The following LAMC3 variants were observed in gnomAD, a reference collection of about 807,000 sequenced individuals.
LAMC3 encodes laminin subunit gamma-3.
A neutral mutation model predicts 173.8 loss-of-function variants in LAMC3; 128 were observed. That is an observed-to-expected ratio of 0.74 (90% CI 0.64 to 0.85). The LOEUF is 0.85. Among genes scored for constraint, LAMC3 ranks in the 40% least tolerant of loss-of-function variants. LAMC3 has a pLI of 0.00. For synonymous variants in LAMC3, 897 were observed against 909.1 expected (o/e 0.99, Z 0.24); for missense variants, 2,022 against 2,156.0 (o/e 0.94, Z 1.23).
At chr9:131,066,208 T>C (rs931224571) in intron 13 of LAMC3, among the ~76,000 whole-genome samples, 2 of 150,776 alleles carry the variant, frequency 1.3e-5, no homozygotes, top group Admixed American at 6.6e-5. Context: ...AAAATAAAAA[T>C]AGCCGGTTGT....
At chr9:131,058,616 A>G (rs942632726) in intron 12 of LAMC3, among the ~76,000 whole-genome samples, 14 of 150,714 alleles carry the variant, frequency 9.3e-5, no homozygotes, top group Non-Finnish European at 1.9e-4. Flanking sequence ...GACGGTAGCC[A>G]GGCGTGGTGG....
chr9:131,033,065 G>A (rs578096063), intron 3 of LAMC3, among the ~76,000 whole-genome samples: 32 of 152,334 alleles, frequency 2.1e-4, no homozygotes, highest in Admixed American at 1.0e-3. Flanking sequence ...TGCGCCATTA[G>A]CACCCATCAG....
At chr9:131,040,779 C>A (rs1329664742) in intron 6 of LAMC3, among the ~76,000 whole-genome samples, 1 of 152,154 alleles carries the variant, frequency 6.6e-6, no homozygotes, top group Non-Finnish European at 1.5e-5. Context: ...GGACACCTTC[C>A]CTCCCACCTG....
rs566402122 is a variant in LAMC3 at position 131,071,847 on chromosome 9, C to A, written c.3211+222C>A. On this transcript the variant is annotated intron_variant, in intron 18 of 27. Transcript: ENST00000361069. ...CAGTGAGGATGGGGCTGGGCTCATT[C>A]ATTTATTCACTCCCTCCACAGGGGT... Among the ~76,000 whole-genome samples, 4 of 152,194 alleles carry A rather than the reference C, an allele frequency of 2.6e-5. No individual in the cohort carries two copies. The South Asian group carries it at 6.2e-4, about 24-fold the overall frequency.
chr9:131,063,467 A>G (rs548312372), intron 13 of LAMC3, among the ~76,000 whole-genome samples: 1 of 152,202 alleles, frequency 6.6e-6, no homozygotes, highest in Admixed American at 6.5e-5. Flanking sequence ...AGGGAGGGAC[A>G]CCTGGAGTGG....
chr9:131,046,526 T>TTTTTA (rs1281660502), intron 8 of LAMC3, among the ~76,000 whole-genome samples: 1 of 119,594 alleles, frequency 8.4e-6, no homozygotes, highest in African/African-American at 3.3e-5. Context: ...GTATTTTTTT[T>TTTTTA]TTTTTTTTTT....
chr9:131,058,809 G>A (rs571881643), intron 12 of LAMC3, among the ~76,000 whole-genome samples: 4 of 150,914 alleles, frequency 2.7e-5, no homozygotes, highest in Admixed American at 1.3e-4. Context: ...CAGGAGAATC[G>A]CTTGAACCCA....
At chr9:131,066,205 A>G (rs1829929112) in intron 13 of LAMC3, among the ~76,000 whole-genome samples, 1 of 151,430 alleles carries the variant, frequency 6.6e-6, no homozygotes, top group Non-Finnish European at 1.5e-5. Flanking sequence ...AAAAAAATAA[A>G]AATAGCCGGT....
chr9:131,060,866 TG>T (rs1390915937), intron 12 of LAMC3, among the ~76,000 whole-genome samples, 168 bp from the exon 13 acceptor site: 1 of 152,078 alleles, frequency 6.6e-6, no homozygotes, highest in Non-Finnish European at 1.5e-5. Context: ...ATGAACCAGG[TG>T]GTCCAGCTCC....
In LAMC3 at chr9:131,026,207, A is replaced by T; in HGVS notation, c.374-78A>T. 6.3e-7 allele frequency: 1 copy of T among 1,591,262 alleles called. No individual in the cohort carries two copies. The highest frequency in any genetic ancestry group is 8.5e-7 in the Non-Finnish European group (1 of 1,169,742). On this transcript the variant is annotated intron_variant, in intron 1 of 27. Coordinates refer to ENST00000361069, the MANE Select transcript of LAMC3 (RefSeq NM_006059.4). This position sits in a 1 kb window ranked among gnomAD's most constrained non-coding sequence, Gnocchi z 4.8. The stretch of plus-strand genomic sequence containing the variant: ...CCATCCACGCTAGTGCCTGCAATGC[A>T]GCCGTCTGTCCTTCCTAGACCAGGA...
At chr9:131,010,078 C>T (rs1322392259) in intron 1 of LAMC3, among the ~76,000 whole-genome samples, 3 of 141,638 alleles carry the variant, frequency 2.1e-5, no homozygotes, top group African/African-American at 5.2e-5. Flanking sequence ...CGCTTGAACC[C>T]GGGAGGTGGA....
At chr9:131,045,918 T>A (rs1834146345) in intron 8 of LAMC3, among the ~76,000 whole-genome samples, 3 of 152,170 alleles carry the variant, frequency 2.0e-5, no homozygotes. Flanking sequence ...GCTTTTTGGA[T>A]CCTGTAGGGG....
rs1833783002 is a variant in LAMC3, at chr9:131,029,223, T to G, written c.678+2634T>G. On this transcript the variant is annotated intron_variant, in intron 2 of 27. Coordinates refer to ENST00000361069, the MANE Select transcript of LAMC3 (RefSeq NM_006059.4). This position sits in a 1 kb window ranked among gnomAD's most constrained non-coding sequence, Gnocchi z 4.6. The stretch of plus-strand genomic sequence containing the variant: ...GCCCCTCTTTGGGCAAGCCGAATCC[T>G]TTATCACACAGTACCACATCTCTAG... Among the ~76,000 whole-genome samples the G allele has an allele frequency of 6.6e-6, 1 of 152,250 alleles. No individual in the cohort carries two copies. Among genetic ancestry groups the G allele is most frequent in the African/African-American group, 2.4e-5 (1 of 41,468 alleles).
intron 24 of LAMC3, among the ~76,000 whole-genome samples, chr9:131,085,178 G>A (rs956148638): frequency 1.2e-4 from 19 of 152,078 alleles, no homozygotes; most frequent in Non-Finnish European, 2.5e-4. Context: ...TTGTTTAGAC[G>A]TAGGCAGTAC....
In LAMC3 at chr9:131,087,565, G is replaced by A. The variant is rs748618031; in HGVS notation, c.4320G>A (p.Ala1440=). 2.3e-5 allele frequency: 37 copies of A among 1,613,946 alleles called. No individual in the cohort carries two copies. Among genetic ancestry groups the A allele is most frequent in the Middle Eastern group, 1.6e-4 (1 of 6,062 alleles). The change falls in exon 26 of 28, where the codon GCG becomes GCA. Residue 1440 remains alanine, a synonymous_variant. Coordinates refer to ENST00000361069, the MANE Select transcript of LAMC3 (RefSeq NM_006059.4). ...AGACGCAAGCCACGCTCCAACAGGC[G>A]TCCCAGCAGGTGCTGGCGTCTGAAG... ...TSQTQATLQQ[A]SQQVLASEAR... is the part of the protein sequence containing the mutation.
chr9:131,009,428 G>C lies in LAMC3; in HGVS notation c.214G>C (p.Ala72Pro). Residue 72 changes from alanine to proline, a missense_variant, in exon 1 of 28, where the codon GCT becomes CCT. By Grantham distance (27) the Ala-to-Pro change is conservative. Transcript: ENST00000361069. This position sits in a 1 kb window ranked among gnomAD's most constrained non-coding sequence, Gnocchi z 4.3. ...CPHVGAAGAG[A>P]HCQRCDAADP... Reference sequence around the variant, plus strand: ...CCACGTGGGCGCCGCGGGCGCGGGGGCTCATTGCCAGCGCTGCGACGCCGC... The same window carrying C: ...CCACGTGGGCGCCGCGGGCGCGGGGCCTCATTGCCAGCGCTGCGACGCCGC... The C allele has an allele frequency of 6.5e-7, 1 of 1,543,770 alleles. No homozygotes were observed. The highest frequency in any genetic ancestry group is 8.7e-7 in the Non-Finnish European group (1 of 1,145,770).
chr9:131,078,483 T>TCAAAA (rs199757711), intron 22 of LAMC3, among the ~76,000 whole-genome samples: 5 of 148,158 alleles, frequency 3.4e-5, no homozygotes, highest in African/African-American at 5.1e-5. Flanking sequence ...AGATTCTGTC[T>TCAAAA]CAAAACAAAA....
rs398012456 is a variant in LAMC3, at chr9:131,047,165, C to CTTTTTTTTTTTTTTTTTTTTTT, written c.1519+1522_1519+1523insTTTTTTTTTTTTTTTTTTTTTT. 2.2e-3 allele frequency among the ~76,000 whole-genome samples: 221 copies of CTTTTTTTTTTTTTTTTTTTTTT among 102,136 alleles called. 26 individuals are homozygous for CTTTTTTTTTTTTTTTTTTTTTT. Among genetic ancestry groups the CTTTTTTTTTTTTTTTTTTTTTT allele is most frequent in the African/African-American group, 5.6e-3 (148 of 26,572 alleles). The allele number at this position is 102,136 out of a possible 152,430, so 67.0% of individuals were successfully genotyped here. ...AAAACTTTTTGGTCTCTGAATTCCT[C>CTTTTTTTTTTTTTTTTTTTTTT]TTTTTTTTTTTTTTTTTAAGACGGA... On this transcript the variant is annotated intron_variant, in intron 8 of 27. Transcript: ENST00000361069.
At chr9:131,034,944 T>TGA (rs1833914503) in intron 3 of LAMC3, among the ~76,000 whole-genome samples, 2 of 151,728 alleles carry the variant, frequency 1.3e-5, no homozygotes, top group Admixed American at 6.6e-5. Flanking sequence ...AGATGATTAT[T>TGA]TATTTATTTA....
Sources: allele counts gnomAD v4.1 joint callset (sites outside exome capture counted in the v4.1 genomes callset), GRCh38; gene constraint gnomAD v4.1.1; non-coding constraint Gnocchi (gnomAD v3.1); transcripts MANE v1.5; gene names NCBI Gene and HGNC (gene_info 2026-07-23, HGNC 2026-07-21).